FER: variants seen among roughly 807,000 people sequenced by gnomAD.
FER encodes FER tyrosine kinase.
Under a neutral mutation model 111.0 loss-of-function variants are expected in FER, and 63 were observed. The observed-to-expected ratio is 0.57, with a 90% confidence interval of 0.46 to 0.70. The LOEUF (loss-of-function observed/expected upper bound fraction) is 0.70. FER is among the 30% of genes least tolerant of loss of function. The pLI is 0.00. For synonymous variants in FER, 327 were observed against 313.9 expected, an observed-to-expected ratio of 1.04 and a Z score of -0.44; for missense variants, 914 against 954.0, an observed-to-expected ratio of 0.96 and a Z score of 0.55.
At chr5:108,783,138 C>G (rs1754286354) in intron 2 of FER, among the ~76,000 whole-genome samples, 1 of 152,052 alleles carries the variant, frequency 6.6e-6, no homozygotes. Context: ...GTCCGTGAGG[C>G]TTTCTTAATT....
chr5:108,802,348 T>C (rs530843149), intron 3 of FER, among the ~76,000 whole-genome samples: 1 of 152,298 alleles, frequency 6.6e-6, no homozygotes, highest in South Asian at 2.1e-4. Flanking sequence ...CATTTTAAAT[T>C]GTTAAAAAAT....
chr5:109,030,607 C>G (rs139658836), intron 13 of FER, among the ~76,000 whole-genome samples: 1,658 of 152,232 alleles, frequency 0.011, 21 homozygotes, highest in Non-Finnish European at 0.018. Context: ...AATGCTGCCT[C>G]TAGGAGTAGA....
intron 13 of FER, among the ~76,000 whole-genome samples, chr5:109,015,332 T>A (rs1326006437): frequency 6.6e-6 from 1 of 152,124 alleles, no homozygotes; most frequent in Non-Finnish European, 1.5e-5. Context: ...AAATAATACT[T>A]TCTTTTAAAA....
At chr5:108,837,527 A>G (rs933891766) in intron 5 of FER, among the ~76,000 whole-genome samples, 2 of 152,202 alleles carry the variant, frequency 1.3e-5, no homozygotes, top group African/African-American at 4.8e-5. Flanking sequence ...GCAAATATCC[A>G]TATCTAACTT....
At chr5:109,164,470 T>C (rs1029017324) in intron 17 of FER, among the ~76,000 whole-genome samples, 1 of 152,218 alleles carries the variant, frequency 6.6e-6, no homozygotes, top group Non-Finnish European at 1.5e-5. Flanking sequence ...GTGCTGATAC[T>C]GCTGACATTC....
At chr5:108,936,527 A>C (rs934084207) in intron 10 of FER, among the ~76,000 whole-genome samples, 1 of 151,992 alleles carries the variant, frequency 6.6e-6, no homozygotes, top group East Asian at 1.9e-4. Context: ...GAACTTCTGA[A>C]AATACCCAGT....
chr5:108,927,252 C>CTTTTTTTTTTTTTTTTTTTTTTTTTTT lies in FER; in HGVS notation c.1237-18859_1237-18858insTTTTTTTTTTTTTTTTTTTTTTTTTTT, dbSNP rs766702172. On this transcript the variant is annotated intron_variant, in intron 10 of 19. Transcript: ENST00000281092. ...TGTAATTCAGCATTGAGAAGTGGCT[C>CTTTTTTTTTTTTTTTTTTTTTTTTTTT]TTTTTTTTTTTTTTTTTTTGAGACG... Among the ~76,000 whole-genome samples the CTTTTTTTTTTTTTTTTTTTTTTTTTTT allele has an allele frequency of 4.8e-4, 46 of 95,240 alleles. 10 individuals are homozygous for CTTTTTTTTTTTTTTTTTTTTTTTTTTT. Among genetic ancestry groups the CTTTTTTTTTTTTTTTTTTTTTTTTTTT allele is most frequent in the African/African-American group, 1.7e-3 (30 of 17,264 alleles). 62.5% of individuals were successfully genotyped at this position (95,240 alleles called of 152,430 possible). A position where few individuals can be genotyped will look rare whatever the true frequency, so the allele number is the denominator to read the frequency against.
At chr5:108,916,554 A>G (rs1469467289) in intron 10 of FER, among the ~76,000 whole-genome samples, 1 of 152,144 alleles carries the variant, frequency 6.6e-6, no homozygotes, top group Non-Finnish European at 1.5e-5. Flanking sequence ...TACTTCAATT[A>G]TCTATTAATT....
chr5:109,000,847 A>C (rs1014548901), intron 13 of FER, among the ~76,000 whole-genome samples: 6 of 152,222 alleles, frequency 3.9e-5, no homozygotes, highest in Non-Finnish European at 8.8e-5. Flanking sequence ...ACAGAAATAC[A>C]AACTACCATC....
At chr5:108,855,806 T>A (rs1762953054) in intron 5 of FER, among the ~76,000 whole-genome samples, 3 of 151,454 alleles carry the variant, frequency 2.0e-5, no homozygotes, top group African/African-American at 7.3e-5. Flanking sequence ...TTCAGTGGAG[T>A]AGTACAGGGA....
At position 108,884,198 on chromosome 5, in the gene FER, A is replaced by T. The variant is rs140922738; in HGVS notation, c.1046+680A>T. Among the ~76,000 whole-genome samples, 26 of 152,122 alleles carry T rather than the reference A, an allele frequency of 1.7e-4. 2 individuals carry two copies. The highest frequency in any genetic ancestry group is 1.5e-3 in the Admixed American group (23 of 15,218). On this transcript the variant is annotated intron_variant, in intron 9 of 19. Transcript: ENST00000281092. ...TAGACCTCACATATTTCTTGCTATT[A>T]TACTCTCACATATTCTTTGATTTAT...
intron 16 of FER, among the ~76,000 whole-genome samples, chr5:109,060,217 T>C (rs1774210529): frequency 6.6e-6 from 1 of 152,172 alleles, no homozygotes; most frequent in African/African-American, 2.4e-5. Context: ...ATGAAATTAT[T>C]CTAAATTTGT....
chr5:108,756,733 T>C (rs1751154480), intron 1 of FER, among the ~76,000 whole-genome samples: 2 of 152,156 alleles, frequency 1.3e-5, no homozygotes, highest in African/African-American at 4.8e-5. Context: ...TTATATACAA[T>C]AGAAAATTTT....
At chr5:109,069,150 G>T (rs1775477658) in intron 16 of FER, among the ~76,000 whole-genome samples, 1 of 151,698 alleles carries the variant, frequency 6.6e-6, no homozygotes, top group African/African-American at 2.4e-5. Flanking sequence ...TAGATTCTAG[G>T]GAAAAATCAT....
chr5:108,981,560 G>C (rs1156349580), intron 13 of FER, among the ~76,000 whole-genome samples: 1 of 152,052 alleles, frequency 6.6e-6, no homozygotes, highest in African/African-American at 2.4e-5. Flanking sequence ...GCTGTGCATA[G>C]TCCTGAGACC....
rs938970794 is a variant in FER, at chr5:108,836,917, C to T, written c.481+1110C>T. Among the ~76,000 whole-genome samples, 14 of 152,042 alleles carry T rather than the reference C, an allele frequency of 9.2e-5. No individual in the cohort carries two copies. The East Asian group carries it at 9.6e-4, about 10-fold the overall frequency. ...TTTACTTTGTGTCTCCTTCTCTCCC[C>T]GCTTCCCCCAATTTACTAGGGAAGT... On this transcript the variant is annotated intron_variant, in intron 5 of 19. Coordinates refer to ENST00000281092, the MANE Select transcript of FER (RefSeq NM_005246.4).
chr5:109,118,467 C>CT (rs1262600322), intron 17 of FER, among the ~76,000 whole-genome samples: 1 of 152,124 alleles, frequency 6.6e-6, no homozygotes, highest in East Asian at 1.9e-4. Flanking sequence ...CTAAAATTCT[C>CT]TTTTTTTGTT....
At chr5:108,798,472 A>G (rs1756289896) in intron 3 of FER, 83 bp downstream of exon 3, 1 of 1,033,428 alleles carries the variant, frequency 9.7e-7, no homozygotes, top group Admixed American at 2.0e-5. Context: ...TTGAATGAGC[A>G]TACTTAAGTC....
At chr5:108,913,934 CA>C (rs1311232967) in intron 10 of FER, among the ~76,000 whole-genome samples, 1 of 151,898 alleles carries the variant, frequency 6.6e-6, no homozygotes, top group East Asian at 1.9e-4. Context: ...ATATGGAGCT[CA>C]AAAAAATGTA....
Sources: gnomAD v4.1 joint callset for allele counts (sites outside exome capture counted in the v4.1 genomes callset) on GRCh38, gnomAD v4.1.1 for gene constraint, MANE v1.5 for transcripts, NCBI Gene and HGNC (gene_info 2026-07-23, HGNC 2026-07-21) for gene names.